Variants in C14orf93 observed in about 807,000 individuals in gnomAD.
The protein encoded by C14orf93 is uncharacterized protein C14orf93.
Under a neutral mutation model 44.0 loss-of-function variants are expected in C14orf93, and 23 were observed. That is an observed-to-expected ratio of 0.52 (90% CI 0.38 to 0.74). The LOEUF (loss-of-function observed/expected upper bound fraction) is 0.74, where lower values mean the gene tolerates loss of function less well. Among genes scored for constraint, C14orf93 ranks in the 30% least tolerant of loss-of-function variants. The probability of loss-of-function intolerance (pLI) is 0.00; values close to 1 mark genes in which losing one functional copy is unlikely to be tolerated. For synonymous variants in C14orf93, 253 were observed against 265.7 expected (o/e 0.95, Z 0.46); for missense variants, 579 against 678.9 (o/e 0.85, Z 1.64).
chr14:22,993,035 A>T (rs1308039074), intron 3 of C14orf93, among the ~76,000 whole-genome samples: 2 of 151,956 alleles, frequency 1.3e-5, no homozygotes, highest in African/African-American at 4.8e-5. Flanking sequence ...GCACGCCACC[A>T]CGCCCAGCTA....
At chr14:23,003,226 T>C (rs2331896) in intron 1 of C14orf93, among the ~76,000 whole-genome samples, 48,776 of 151,986 alleles carry the variant, frequency 0.32, 8,915 homozygotes, top group African/African-American at 0.51. Context: ...CTGAATTAAT[T>C]TGCCTATAAA....
chr14:23,006,288 C>T (rs777608855), intron 1 of C14orf93: 2 of 152,178 alleles, frequency 1.3e-5, no homozygotes, highest in African/African-American at 2.4e-5. Context: ...CCTTATCACA[C>T]AAGAGCAGCT....
At chr14:22,998,270 C>T (rs1482781668) in intron 2 of C14orf93, 157 bp downstream of exon 2, 1 of 1,098,392 alleles carries the variant, frequency 9.1e-7, no homozygotes, top group Non-Finnish European at 1.2e-6. Context: ...GAAAATAGAG[C>T]TGACTATCCC....
In C14orf93 at chr14:22,999,197, T is replaced by C; in HGVS notation, c.-174A>G. On this transcript the variant is annotated 5_prime_UTR_variant, in exon 2 of 7. Transcript: ENST00000299088. ...AAACAAGCCATGAAGAAGCACACAG[T>C]CCATGGCGGCCTCTCCTCGGCCTGC... The C allele has an allele frequency of 9.7e-7, 1 of 1,031,766 alleles. No homozygotes were observed. Among genetic ancestry groups the C allele is most frequent in the South Asian group, 1.8e-5 (1 of 55,554 alleles). The allele number at this position is 1,031,766 out of a possible 1,614,324, so 63.9% of individuals were successfully genotyped here.
At chr14:23,006,191 G>A (rs1275132158) in intron 1 of C14orf93, 1 of 152,070 alleles carries the variant, frequency 6.6e-6, no homozygotes, top group Non-Finnish European at 1.5e-5. Flanking sequence ...CTGCTGTGTT[G>A]GTCAGTCCTA....
chr14:23,004,738 G>A (rs553175591), intron 1 of C14orf93, among the ~76,000 whole-genome samples: 39 of 152,102 alleles, frequency 2.6e-4, no homozygotes, highest in African/African-American at 8.2e-4. Flanking sequence ...GACCAACATG[G>A]AGAAACCCTG....
intron 3 of C14orf93, among the ~76,000 whole-genome samples, chr14:22,991,602 C>T (rs1048921447): frequency 1.3e-5 from 2 of 151,266 alleles, no homozygotes; most frequent in African/African-American, 2.4e-5. Flanking sequence ...GACAGAGTCT[C>T]ACTCTGTTGC....
chr14:22,999,322 T>A lies in C14orf93; in HGVS notation c.-299A>T, dbSNP rs999226615. ...GAACGGTTTCAGACGGTAGAGAGCA[T>A]TCCTTCTGCCCCCCAGCATGGAACC... On this transcript the variant is annotated 5_prime_UTR_variant, in exon 2 of 7. The change abolishes an upstream ATG in the 5' untranslated region. Coordinates refer to ENST00000299088, the MANE Select transcript of C14orf93 (RefSeq NM_021944.4). The A allele has an allele frequency of 1.2e-5, 3 of 259,176 alleles. No homozygotes were observed. Among genetic ancestry groups the A allele is most frequent in the African/African-American group, 6.7e-5 (3 of 45,080 alleles). 16.1% of individuals were successfully genotyped at this position (259,176 alleles called of 1,614,324 possible).
In C14orf93 at chr14:22,987,142, G is replaced by T; in HGVS notation, c.*73C>A. The T allele has an allele frequency of 6.9e-7, 1 of 1,441,604 alleles. No individual in the cohort carries two copies. Among genetic ancestry groups the T allele is most frequent in the Non-Finnish European group, 9.3e-7 (1 of 1,072,850 alleles). 89.3% of individuals were successfully genotyped at this position (1,441,604 alleles called of 1,614,324 possible). On this transcript the variant is annotated 3_prime_UTR_variant, in exon 7 of 7. Coordinates refer to ENST00000299088, the MANE Select transcript of C14orf93 (RefSeq NM_021944.4). This position sits in a 1 kb window ranked among gnomAD's most constrained non-coding sequence, Gnocchi z 5.6. ...ACTGCACAGAGCATCTCATTATTTT[G>T]TGAAGCCCCATGGCCACCTATTTCT...
At chr14:22,991,365 T>A (rs2045617111) in intron 3 of C14orf93, among the ~76,000 whole-genome samples, 1 of 150,932 alleles carries the variant, frequency 6.6e-6, no homozygotes, top group African/African-American at 2.4e-5. Flanking sequence ...TGCCTCAGCC[T>A]CCTGAGTAGC....
intron 1 of C14orf93, among the ~76,000 whole-genome samples, chr14:23,009,208 C>T (rs986151008): frequency 1.3e-5 from 2 of 152,110 alleles, no homozygotes; most frequent in South Asian, 4.1e-4. Flanking sequence ...TATTCTGATC[C>T]TTTAGGAGCA....
chr14:22,999,267 T>A lies in C14orf93; in HGVS notation c.-244A>T, dbSNP rs938328980. ...TCTATTTGCAGATCCTGTGCTCTCC[T>A]AGCACATCACAAATCAAGGCCTTCC... On this transcript the variant is annotated 5_prime_UTR_variant, in exon 2 of 7. An upstream open reading frame in the 5' UTR loses its in-frame stop. Transcript: ENST00000299088. 3.9e-4 allele frequency: 180 copies of A among 461,986 alleles called. No individual in the cohort carries two copies. Among genetic ancestry groups the A allele is most frequent in the Non-Finnish European group, 5.9e-4 (156 of 262,778 alleles). The allele number at this position is 461,986 out of a possible 1,614,324, so 28.6% of individuals were successfully genotyped here.
chr14:23,007,778 G>A (rs568870379), intron 1 of C14orf93, among the ~76,000 whole-genome samples: 3 of 152,002 alleles, frequency 2.0e-5, no homozygotes, highest in Non-Finnish European at 4.4e-5. Context: ...TTTTTGAGAC[G>A]CTAAAAAGTA....
intron 1 of C14orf93, among the ~76,000 whole-genome samples, chr14:23,009,260 T>C (rs2046772322): frequency 6.6e-6 from 1 of 152,224 alleles, no homozygotes; most frequent in Non-Finnish European, 1.5e-5. Context: ...CTAAGTATGC[T>C]AAGCATAGGA....
At position 22,990,061 on chromosome 14, in the gene C14orf93, C is replaced by A; in HGVS notation, c.980+5G>T. The A allele has an allele frequency of 1.2e-6, 2 of 1,610,610 alleles. No homozygotes were observed. The highest frequency in any genetic ancestry group is 1.7e-6 in the Non-Finnish European group (2 of 1,177,242). On this transcript the variant is annotated splice_donor_5th_base_variant and intron_variant, in intron 4 of 6. Coordinates refer to ENST00000299088, the MANE Select transcript of C14orf93 (RefSeq NM_021944.4). ...TCTAATTCTTTTTCCTCAAGGAGAC[C>A]ATACCTTTCAGACCCATTGAATCTC...
rs756163727 is a variant in C14orf93, at chr14:22,987,465, C to T, written c.1367G>A (p.Cys456Tyr). ...RFRAQRLTELCYHLDANSKHG... is the reference protein window; with the variant it reads ...RFRAQRLTELYYHLDANSKHG... ...CTTAGAGTTAGCATCCAGGTGGTAG[C>T]AGAGCTCTGTGAGGCGCTGGGCCCG... The change falls in exon 7 of 7, where the codon TGC (cysteine) becomes TAC (tyrosine). Residue 456 changes from cysteine to tyrosine, a missense_variant. Cys to Tyr is a radical substitution (Grantham distance 194, BLOSUM62 -2). Transcript: ENST00000299088. This position sits in a 1 kb window ranked among gnomAD's most constrained non-coding sequence, Gnocchi z 5.6. 2.3e-5 allele frequency: 37 copies of T among 1,614,130 alleles called. No individual in the cohort carries two copies. The highest frequency in any genetic ancestry group is 3.1e-5 in the Non-Finnish European group (36 of 1,180,050).
intron 1 of C14orf93, among the ~76,000 whole-genome samples, chr14:23,007,279 A>T (rs2046672813): frequency 6.6e-6 from 1 of 152,228 alleles, no homozygotes; most frequent in African/African-American, 2.4e-5. Context: ...TCAAAAAGTC[A>T]GGTAGGGGAG....
intron 1 of C14orf93, among the ~76,000 whole-genome samples, chr14:23,004,039 C>T (rs8021296): frequency 0.33 from 45,263 of 136,644 alleles, 10,194 homozygotes; most frequent in African/African-American, 0.66. Context: ...CCTCCAGAGT[C>T]GCTGGGACTA....
intron 3 of C14orf93, among the ~76,000 whole-genome samples, chr14:22,990,630 T>C (rs2045550125): frequency 6.6e-6 from 1 of 151,112 alleles, no homozygotes; most frequent in African/African-American, 2.4e-5. Flanking sequence ...CCATCATGCC[T>C]GGCTAATTTT....
Sources: gnomAD v4.1 joint callset for allele counts (sites outside exome capture counted in the v4.1 genomes callset) on GRCh38, gnomAD v4.1.1 for gene constraint, Gnocchi (gnomAD v3.1) non-coding constraint, MANE v1.5 for transcripts, NCBI Gene and HGNC (gene_info 2026-07-23, HGNC 2026-07-21) for gene names.